Variants in NAALADL2 observed in about 807,000 individuals in gnomAD.
NAALADL2 encodes the protein inactive N-acetylated-alpha-linked acidic dipeptidase-like protein 2.
A neutral mutation model predicts 87.2 loss-of-function variants in NAALADL2; 76 were observed. The ratio of observed to expected loss-of-function variants is 0.87; its 90% confidence interval spans 0.72 to 1.05. NAALADL2 has a LOEUF of 1.05. Among genes scored for constraint, NAALADL2 ranks in the 50% least tolerant of loss-of-function variants. The pLI is 0.00. For synonymous variants in NAALADL2, 354 were observed against 331.0 expected (o/e 1.07, Z -0.75); for missense variants, 1,089 against 945.8 (o/e 1.15, Z -1.99).
chr3:174,863,969 A>T (rs2109555220), intron 1 of NAALADL2: 1 of 439,192 alleles, frequency 2.3e-6, no homozygotes, highest in African/African-American at 2.0e-5. Flanking sequence ...TATTGAGGTA[A>T]CAGGACATCT....
chr3:175,693,274 C>T (rs1737281824), intron 11 of NAALADL2, among the ~76,000 whole-genome samples: 1 of 152,118 alleles, frequency 6.6e-6, no homozygotes. Context: ...CATCTCCAGT[C>T]CCTCCAGAGG....
chr3:175,062,629 G>T (rs1384696703), intron 1 of NAALADL2, among the ~76,000 whole-genome samples: 1 of 151,954 alleles, frequency 6.6e-6, no homozygotes, highest in Non-Finnish European at 1.5e-5. Context: ...ATTATTTAGG[G>T]CAAGGAAATG....
intron 3 of NAALADL2, among the ~76,000 whole-genome samples, chr3:174,805,851 G>T (rs938015067): frequency 6.6e-6 from 1 of 151,906 alleles, no homozygotes; most frequent in African/African-American, 2.4e-5. Context: ...GGCATTTTAT[G>T]TGTAAGTACA....
At chr3:174,839,728 A>G (rs1285048152) in intron 3 of NAALADL2, among the ~76,000 whole-genome samples, 1 of 152,204 alleles carries the variant, frequency 6.6e-6, no homozygotes, top group Non-Finnish European at 1.5e-5. Flanking sequence ...AGAAATGGCC[A>G]TCAAACATGA....
chr3:175,004,653 A>G (rs1043013235), intron 1 of NAALADL2, among the ~76,000 whole-genome samples: 1 of 152,168 alleles, frequency 6.6e-6, no homozygotes, highest in Non-Finnish European at 1.5e-5. Context: ...AATGCCAAAC[A>G]ACCACAAGTT....
intron 5 of NAALADL2, among the ~76,000 whole-genome samples, chr3:175,418,116 C>A (rs73033647): frequency 6.6e-6 from 1 of 151,670 alleles, no homozygotes; most frequent in Non-Finnish European, 1.5e-5. Flanking sequence ...GAGAATGAGA[C>A]CAGAAAAGAG....
chr3:175,027,500 G>T (rs1413926101), intron 1 of NAALADL2, among the ~76,000 whole-genome samples: 1 of 151,940 alleles, frequency 6.6e-6, no homozygotes. Flanking sequence ...CAATTAAAAA[G>T]ACCTATGTGA....
At chr3:175,699,585 C>T (rs4494937) in intron 11 of NAALADL2, among the ~76,000 whole-genome samples, 42,682 of 151,724 alleles carry the variant, frequency 0.28, 7,052 homozygotes, top group African/African-American at 0.46. Flanking sequence ...TTCACTTCTC[C>T]GATTATTTTC....
intron 5 of NAALADL2, among the ~76,000 whole-genome samples, chr3:175,350,510 G>T (rs1220972309): frequency 6.6e-6 from 1 of 152,172 alleles, no homozygotes; most frequent in Non-Finnish European, 1.5e-5. Flanking sequence ...AGTCAGAGAG[G>T]CAATTCCAGA....
intron 11 of NAALADL2, among the ~76,000 whole-genome samples, chr3:175,737,054 T>A (rs1744595841): frequency 6.6e-6 from 1 of 152,130 alleles, no homozygotes; most frequent in Non-Finnish European, 1.5e-5. Flanking sequence ...TCTTAATATT[T>A]CAGCTCACAA....
chr3:175,640,240 T>C (rs1164806888), intron 11 of NAALADL2, among the ~76,000 whole-genome samples: 1 of 152,142 alleles, frequency 6.6e-6, no homozygotes, highest in African/African-American at 2.4e-5. Context: ...GAATAATTAA[T>C]ATATTATTAA....
chr3:174,712,353 C>T (rs1161819925), intron 2 of NAALADL2, among the ~76,000 whole-genome samples: 1 of 149,812 alleles, frequency 6.7e-6, no homozygotes, highest in Non-Finnish European at 1.5e-5. Flanking sequence ...TCATATGTTC[C>T]CTATTAACAG....
intron 11 of NAALADL2, chr3:175,718,791 G>A: frequency 1.4e-6 from 1 of 720,874 alleles, no homozygotes; most frequent in Non-Finnish European, 2.2e-6. Flanking sequence ...GCCAAGCATG[G>A]TGACGCACAC....
chr3:174,473,584 A>T (rs1006852761), intron 1 of NAALADL2, among the ~76,000 whole-genome samples: 1 of 152,176 alleles, frequency 6.6e-6, no homozygotes, highest in Admixed American at 6.6e-5. Context: ...ATATGCCTAA[A>T]CATATTTAAG....
intron 1 of NAALADL2, chr3:174,864,096 T>A (rs1036334741): frequency 1.3e-5 from 6 of 455,234 alleles, no homozygotes; most frequent in African/African-American, 1.0e-4. Flanking sequence ...CCAAGGTGAG[T>A]CTGACCTAAA....
At chr3:174,621,866 T>C (rs1364303487) in intron 2 of NAALADL2, among the ~76,000 whole-genome samples, 3 of 151,768 alleles carry the variant, frequency 2.0e-5, no homozygotes, top group Admixed American at 1.3e-4. Flanking sequence ...ATTAATTTAT[T>C]GTAAGGAACA....
chr3:174,499,668 T>C (rs73040512), intron 1 of NAALADL2, among the ~76,000 whole-genome samples: 2,500 of 152,248 alleles, frequency 0.016, 71 homozygotes, highest in African/African-American at 0.058. Flanking sequence ...CATCAGTTAT[T>C]GAAAAGACTA....
At chr3:175,275,166 A>G (rs1346260974) in intron 4 of NAALADL2, among the ~76,000 whole-genome samples, 1 of 152,204 alleles carries the variant, frequency 6.6e-6, no homozygotes, top group Non-Finnish European at 1.5e-5. Context: ...AATGGGGGGT[A>G]GAAATAAAAT....
intron 11 of NAALADL2, among the ~76,000 whole-genome samples, chr3:175,644,055 G>A (rs1484075531): frequency 1.3e-5 from 2 of 152,042 alleles, no homozygotes; most frequent in African/African-American, 4.8e-5. Context: ...TGCTAATGAA[G>A]TTGAGTGCCA....
Sources: allele counts gnomAD v4.1 joint callset (sites outside exome capture counted in the v4.1 genomes callset), GRCh38; gene constraint gnomAD v4.1.1; transcripts MANE v1.5; gene names NCBI Gene and HGNC (gene_info 2026-07-23, HGNC 2026-07-21).